The following VASH1 variants were observed in gnomAD, a reference collection of about 807,000 sequenced individuals.
The protein encoded by VASH1 is vasohibin 1.
VASH1 carries 16 observed loss-of-function variants against 35.0 expected under a neutral mutation model. The ratio of observed to expected loss-of-function variants is 0.46; its 90% confidence interval spans 0.31 to 0.70. VASH1 has a LOEUF of 0.70. Ranked by LOEUF, VASH1 falls within the 30% of genes least tolerant of loss-of-function variation. The pLI is 0.05. For synonymous variants in VASH1, 214 were observed against 200.9 expected (o/e 1.07, Z -0.55); for missense variants, 505 against 510.7 (o/e 0.99, Z 0.11).
chr14:76,763,099 A>G lies in VASH1; in HGVS notation c.278A>G (p.Gln93Arg), dbSNP rs1181317329. The G allele has an allele frequency of 3.3e-6, 5 of 1,498,342 alleles. No homozygotes were observed. The highest frequency in any genetic ancestry group is 4.5e-6 in the Non-Finnish European group (5 of 1,117,550). 92.8% of individuals were successfully genotyped at this position (1,498,342 alleles called of 1,614,324 possible). The change falls in exon 1 of 7, where the codon CAA (glutamine) becomes CGA (arginine). Residue 93 changes from glutamine to arginine, a missense_variant. By Grantham distance (43) the Gln-to-Arg change is conservative. Coordinates refer to ENST00000167106, the MANE Select transcript of VASH1 (RefSeq NM_014909.5). The stretch of plus-strand genomic sequence containing the variant: ...CACCCCGATGGAGAGAAGGTGGCGC[A>G]ACGGATCCGTGGGGCCACAGACCTG... ...KIHPDGEKVA[Q>R]RIRGATDLPK...
Position 76,779,918 on chromosome 14 carries a change from C to T in VASH1, c.*900C>T, listed in dbSNP as rs1027751659. 2 of 233,424 alleles carry T rather than the reference C, an allele frequency of 8.6e-6. No homozygotes were observed. Among genetic ancestry groups the T allele is most frequent in the Admixed American group, 9.9e-5 (2 of 20,278 alleles). The allele number at this position is 233,424 out of a possible 1,614,324, so 14.5% of individuals were successfully genotyped here. A position where few individuals can be genotyped will look rare whatever the true frequency, so the allele number is the denominator to read the frequency against. ...GGACATGGGGTGATGGGGCGGGATG[C>T]TTGGGCCTGGGTCTCTCCGCCAGCA... On this transcript the variant is annotated 3_prime_UTR_variant, in exon 7 of 7. Transcript: ENST00000167106.
At position 76,779,993 on chromosome 14, in the gene VASH1, G is replaced by A. The variant is rs151219576; in HGVS notation, c.*975G>A. 2,216 of 165,418 alleles carry A rather than the reference G, an allele frequency of 0.013. 27 individuals are homozygous for A. The highest frequency in any genetic ancestry group is 0.023 in the Non-Finnish European group (1,717 of 75,730). 10.2% of individuals were successfully genotyped at this position (165,418 alleles called of 1,614,324 possible). On this transcript the variant is annotated 3_prime_UTR_variant, in exon 7 of 7. Coordinates refer to ENST00000167106, the MANE Select transcript of VASH1 (RefSeq NM_014909.5). The stretch of plus-strand genomic sequence containing the variant: ...ATCAAGACCAGACTAGGATGCTTCT[G>A]CCCCAGGCCTGCCTTCCATTCTTTA...
In VASH1 at chr14:76,781,239, T is replaced by G. The variant is rs548949398; in HGVS notation, c.*2221T>G. 1 of 152,176 alleles carries G rather than the reference T, an allele frequency of 6.6e-6. No individual in the cohort carries two copies. Among genetic ancestry groups the G allele is most frequent in the Non-Finnish European group, 1.5e-5 (1 of 68,060 alleles). 9.4% of individuals were successfully genotyped at this position (152,176 alleles called of 1,614,324 possible). On this transcript the variant is annotated 3_prime_UTR_variant, in exon 7 of 7. Transcript: ENST00000167106. ...CTGGTCAGTCCCTTGCCTCCCCAAG[T>G]TCCCCCTGGGGTCAATGAGCCCTGG...
intron 5 of VASH1, among the ~76,000 whole-genome samples, chr14:76,776,985 C>T (rs565193905): frequency 7.9e-4 from 120 of 152,264 alleles, no homozygotes; most frequent in African/African-American, 2.6e-3. Context: ...GGGAGGCCAG[C>T]GGGCGGTAGG....
intron 1 of VASH1, among the ~76,000 whole-genome samples, chr14:76,763,697 T>G (rs989347676): frequency 1.3e-5 from 2 of 151,094 alleles, no homozygotes; most frequent in African/African-American, 2.4e-5. Context: ...GGGCGGGGGG[T>G]GGTGGTGGAG....
chr14:76,772,740 GA>G (rs1397232803), intron 3 of VASH1, among the ~76,000 whole-genome samples: 1 of 152,266 alleles, frequency 6.6e-6, no homozygotes, highest in Non-Finnish European at 1.5e-5. Flanking sequence ...CTGTGCTTCA[GA>G]AGGGAAGAGA....
chr14:76,768,582 A>G (rs966369934), intron 1 of VASH1, among the ~76,000 whole-genome samples: 1 of 152,164 alleles, frequency 6.6e-6, no homozygotes, highest in African/African-American at 2.4e-5. Context: ...CACCCCAGAC[A>G]TGAGTGTGCA....
rs535244552 is a variant in VASH1 at position 76,761,485 on chromosome 14, C to T, written c.-1337C>T. 27 of 152,914 alleles carry T rather than the reference C, an allele frequency of 1.8e-4. No homozygotes were observed. The South Asian group carries it at 4.7e-3, about 27-fold the overall frequency. The allele number at this position is 152,914 out of a possible 1,614,324, so 9.5% of individuals were successfully genotyped here. A position where few individuals can be genotyped will look rare whatever the true frequency, so the allele number is the denominator to read the frequency against. On this transcript the variant is annotated 5_prime_UTR_variant, in exon 1 of 7. Coordinates refer to ENST00000167106, the MANE Select transcript of VASH1 (RefSeq NM_014909.5). The stretch of plus-strand genomic sequence containing the variant: ...TGCGCGGCGCGGGCCGTAGTCGAGC[C>T]TGGTGGGCGGCTGGCTGGCAGGGGA...
At chr14:76,773,451 CTTTT>C in intron 4 of VASH1, 1 of 539,870 alleles carries the variant, frequency 1.9e-6, no homozygotes, top group Non-Finnish European at 3.3e-6. Flanking sequence ...CTGGGCAGCT[CTTTT>C]TTGAGTCACG....
In VASH1 at chr14:76,779,344, G is replaced by C. The variant is rs952271149; in HGVS notation, c.*326G>C. Reference sequence around the variant, plus strand: ...AACAAATCCATGTGTCATGGGGCCAGGTGAGGGAAACTGCTGGTTCTGCTG... The same window carrying C: ...AACAAATCCATGTGTCATGGGGCCACGTGAGGGAAACTGCTGGTTCTGCTG... On this transcript the variant is annotated 3_prime_UTR_variant, in exon 7 of 7. Coordinates refer to ENST00000167106, the MANE Select transcript of VASH1 (RefSeq NM_014909.5). The C allele has an allele frequency of 3.3e-5, 23 of 702,272 alleles. No individual in the cohort carries two copies. The highest frequency in any genetic ancestry group is 2.8e-4 in the Admixed American group (14 of 49,974). 43.5% of individuals were successfully genotyped at this position (702,272 alleles called of 1,614,324 possible). A position where few individuals can be genotyped will look rare whatever the true frequency, so the allele number is the denominator to read the frequency against.
intron 1 of VASH1, among the ~76,000 whole-genome samples, chr14:76,767,244 C>CAATAAATCAATAAATA (rs1893665448): frequency 7.3e-6 from 1 of 136,222 alleles, no homozygotes; most frequent in African/African-American, 2.8e-5. Flanking sequence ...AACTCTGTCT[C>CAATAAATCAATAAATA]AATAAATAAA....
In VASH1 at chr14:76,780,407, A is replaced by C. The variant is rs1168485304; in HGVS notation, c.*1389A>C. ...AGGTAGAAAGGATTCAGATTGTGGA[A>C]GGGTAAACGGATGAGATGACCATTA... On this transcript the variant is annotated 3_prime_UTR_variant, in exon 7 of 7. Coordinates refer to ENST00000167106, the MANE Select transcript of VASH1 (RefSeq NM_014909.5). The C allele has an allele frequency of 1.3e-5, 2 of 152,322 alleles. No individual in the cohort carries two copies. Among genetic ancestry groups the C allele is most frequent in the East Asian group, 3.9e-4 (2 of 5,192 alleles). The allele number at this position is 152,322 out of a possible 1,614,324, so 9.4% of individuals were successfully genotyped here. A position where few individuals can be genotyped will look rare whatever the true frequency, so the allele number is the denominator to read the frequency against.
intron 5 of VASH1, among the ~76,000 whole-genome samples, chr14:76,777,611 A>G (rs1212279145): frequency 6.6e-6 from 1 of 152,210 alleles, no homozygotes; most frequent in Non-Finnish European, 1.5e-5. Context: ...CCTTGGGGTG[A>G]GTGGGATCTC....
chr14:76,771,571 G>T (rs777638220), intron 3 of VASH1, among the ~76,000 whole-genome samples: 67 of 152,310 alleles, frequency 4.4e-4, no homozygotes, highest in Admixed American at 1.0e-3. Context: ...CAGATCTTTT[G>T]TTTTTTAGTG....
chr14:76,763,566 A>G (rs903169271), intron 1 of VASH1, among the ~76,000 whole-genome samples: 25 of 152,338 alleles, frequency 1.6e-4, no homozygotes, highest in Admixed American at 7.2e-4. Context: ...CAGCCTTGTG[A>G]CGTAAGTACA....
chr14:76,773,395 C>T (rs61992271), intron 4 of VASH1, 184 bp downstream of exon 4: 11,179 of 607,524 alleles, frequency 0.018, 158 homozygotes, highest in Middle Eastern at 0.038. Flanking sequence ...GGAGGAGCCC[C>T]GAGGTCCCAG....
At position 76,779,731 on chromosome 14, in the gene VASH1, C is replaced by G; in HGVS notation, c.*713C>G. On this transcript the variant is annotated 3_prime_UTR_variant, in exon 7 of 7. Coordinates refer to ENST00000167106, the MANE Select transcript of VASH1 (RefSeq NM_014909.5). ...GACCTCTGGGCAAAAAGTTCCCAGG[C>G]CCTAACTGCGTCTACTTGCTCAGTC... The G allele has an allele frequency of 3.4e-6, 2 of 583,536 alleles. No homozygotes were observed. The highest frequency in any genetic ancestry group is 4.3e-5 in the South Asian group (2 of 46,062). The allele number at this position is 583,536 out of a possible 1,614,324, so 36.1% of individuals were successfully genotyped here.
chr14:76,776,282 G>A lies in VASH1; in HGVS notation c.912+9G>A, dbSNP rs1000489191. On this transcript the variant is annotated intron_variant, in intron 5 of 6. Transcript: ENST00000167106. ...GCGACATGCGGCTCAAGGTCTGCCC[G>A]CCTTCCACGCCCTCGCCCCCTCCCT... The A allele has an allele frequency of 1.3e-6, 2 of 1,564,816 alleles. No homozygotes were observed. The highest frequency in any genetic ancestry group is 1.7e-6 in the Non-Finnish European group (2 of 1,160,416).
Position 76,773,204 on chromosome 14 carries a change from C to T in VASH1, c.523C>T (p.Leu175=). 6.2e-7 allele frequency: 1 copy of T among 1,614,172 alleles called. No individual in the cohort carries two copies. Among genetic ancestry groups the T allele is most frequent in the Non-Finnish European group, 8.5e-7 (1 of 1,180,030 alleles). Residue 175 remains leucine (L), a synonymous_variant, in exon 4 of 7, where the codon CTG becomes TTG. Transcript: ENST00000167106. The part of the protein sequence containing the change: ...LPIKCLEAVI[L]GIYLTNSMPT... ...AATCAAATGCCTGGAAGCCGTGATCCTGGGAATGTATCCTTCCTCACCTGA... is the reference window on the plus strand; with the variant it reads ...AATCAAATGCCTGGAAGCCGTGATCTTGGGAATGTATCCTTCCTCACCTGA...
Sources: allele counts gnomAD v4.1 joint callset (sites outside exome capture counted in the v4.1 genomes callset), GRCh38; gene constraint gnomAD v4.1.1; transcripts MANE v1.5; gene names NCBI Gene and HGNC (gene_info 2026-07-23, HGNC 2026-07-21).